The following WDR41 variants were observed in gnomAD, a reference collection of about 807,000 sequenced individuals.
WDR41 encodes the protein WD repeat-containing protein 41.
Under a neutral mutation model 69.3 loss-of-function variants are expected in WDR41, and 63 were observed. That is an observed-to-expected ratio of 0.91 (90% CI 0.74 to 1.12). The LOEUF (loss-of-function observed/expected upper bound fraction) is 1.12, where lower values mean the gene tolerates loss of function less well. WDR41 is among the 50% of genes most tolerant of loss of function. WDR41 has a pLI of 0.00. For synonymous variants in WDR41, 185 were observed against 192.1 expected (o/e 0.96, Z 0.31); for missense variants, 543 against 534.5 (o/e 1.02, Z -0.16).
rs371727227 is a variant in WDR41, at chr5:77,492,202, C to A, written c.19G>T (p.Gly7Trp). 1.2e-6 allele frequency: 2 copies of A among 1,612,570 alleles called. No homozygotes were observed. The highest frequency in any genetic ancestry group is 2.2e-5 in the South Asian group (2 of 90,700). Reference sequence around the variant, plus strand: ...AGTCCCTGCGGTTCTCGGCCTCCCCCGATCAGCCATCGCAACATCCGGGCA... The same window carrying A: ...AGTCCCTGCGGTTCTCGGCCTCCCCAGATCAGCCATCGCAACATCCGGGCA... Reference protein sequence around the residue: MLRWLIGGGREPQGLAE... With the variant: MLRWLIWGGREPQGLAE... Residue 7 changes from glycine (G) to tryptophan (W), a missense_variant, in exon 1 of 13, where the codon GGG becomes TGG. By Grantham distance (184) the Gly-to-Trp change is radical (BLOSUM62 -2). Transcript: ENST00000296679.
intron 1 of WDR41, among the ~76,000 whole-genome samples, chr5:77,595,731 G>C (rs1744215829): frequency 6.6e-6 from 1 of 152,172 alleles, no homozygotes; most frequent in Non-Finnish European, 1.5e-5. Context: ...ACCAGGGTGA[G>C]ACTGAAACTA....
At chr5:77,435,834 T>G (rs915382549) in intron 12 of WDR41, among the ~76,000 whole-genome samples, 1 of 152,206 alleles carries the variant, frequency 6.6e-6, no homozygotes, top group African/African-American at 2.4e-5. Flanking sequence ...TAACAAACTA[T>G]TATCCTTCAA....
intron 8 of WDR41, among the ~76,000 whole-genome samples, chr5:77,448,333 A>C (rs1366891700): frequency 6.6e-6 from 1 of 152,134 alleles, no homozygotes; most frequent in Non-Finnish European, 1.5e-5. Flanking sequence ...GCCCCCAGAG[A>C]AAATTAAAGG....
At chr5:77,488,631 G>T (rs528898792) in intron 2 of WDR41, among the ~76,000 whole-genome samples, 1 of 152,158 alleles carries the variant, frequency 6.6e-6, no homozygotes, top group African/African-American at 2.4e-5. Flanking sequence ...TGAGGTTGGG[G>T]GATTAGGACG....
rs765405820 is a variant in WDR41, at chr5:77,453,853, C to A, written c.487G>T (p.Asp163Tyr). 8.1e-6 allele frequency: 13 copies of A among 1,613,914 alleles called. No homozygotes were observed. The highest frequency in any genetic ancestry group is 8.5e-7 in the Non-Finnish European group (1 of 1,179,994). ...NDLCVWNRKL[D>Y]LLCKTSHLSD... ...AGGTGGCTAGTCTTACACAGGAGAT[C>A]TAATTTTCGGTTCCACACACACAGG... The change falls in exon 6 of 13, where the codon GAT becomes TAT. Residue 163 changes from aspartate (D) to tyrosine (Y), a missense_variant. Transcript: ENST00000296679.
At chr5:77,582,668 T>A (rs991301005) in intron 1 of WDR41, 72 of 1,601,130 alleles carry the variant, frequency 4.5e-5, no homozygotes, top group Non-Finnish European at 5.9e-5. Flanking sequence ...ATCAGAGGTA[T>A]CAGTGCTGTG....
chr5:77,611,647 T>C (rs1243708761), intron 1 of WDR41, among the ~76,000 whole-genome samples: 2 of 152,040 alleles, frequency 1.3e-5, no homozygotes, highest in African/African-American at 2.4e-5. Flanking sequence ...AAGCAGTGTG[T>C]AGAGGGAAAT....
At chr5:77,450,481 T>C (rs1435481207) in intron 7 of WDR41, among the ~76,000 whole-genome samples, 5 of 152,262 alleles carry the variant, frequency 3.3e-5, no homozygotes, top group Non-Finnish European at 5.9e-5. Flanking sequence ...AATACAGTTT[T>C]ATTTAAACTA....
intron 1 of WDR41, among the ~76,000 whole-genome samples, chr5:77,611,397 T>G (rs966646243): frequency 6.6e-6 from 1 of 152,208 alleles, no homozygotes; most frequent in African/African-American, 2.4e-5. Context: ...ATTGACCACA[T>G]AGTTGGAAGT....
chr5:77,461,104 A>G (rs561339387), intron 4 of WDR41, among the ~76,000 whole-genome samples: 1 of 152,310 alleles, frequency 6.6e-6, no homozygotes, highest in South Asian at 2.1e-4. Context: ...ATATTGCTAT[A>G]GTGTCTTAGG....
At position 77,575,284 on chromosome 5, in the gene WDR41, G is replaced by A. The variant is rs370844102; in HGVS notation, c.42+45195C>T. 4.6e-5 allele frequency among the ~76,000 whole-genome samples: 7 copies of A among 152,200 alleles called. No homozygotes were observed. The East Asian group carries it at 5.8e-4, about 13-fold the overall frequency. On this transcript the variant is annotated intron_variant, in intron 1 of 5. Transcript: ENST00000509971. ...ACACTAATACCAGAGTTGATATAGT[G>A]AGAAATAGGAAAGAACTTTGCAATG...
chr5:77,449,935 T>C lies in WDR41; in HGVS notation c.587-65A>G, dbSNP rs905190768. The C allele has an allele frequency of 3.7e-6, 4 of 1,085,882 alleles. No individual in the cohort carries two copies. The African/African-American group carries it at 6.4e-5, about 17-fold the overall frequency. 67.3% of individuals were successfully genotyped at this position (1,085,882 alleles called of 1,614,324 possible). Reference sequence around the variant, plus strand: ...TAAGAGGATAAAATACTACTCCTGCTCTAAAAACAAGCATTTCATTAAGTG... The same window carrying C: ...TAAGAGGATAAAATACTACTCCTGCCCTAAAAACAAGCATTTCATTAAGTG... On this transcript the variant is annotated intron_variant, in intron 7 of 12. Transcript: ENST00000296679.
chr5:77,526,009 T>C (rs1002306380), intron 1 of WDR41, among the ~76,000 whole-genome samples: 1 of 152,188 alleles, frequency 6.6e-6, no homozygotes, highest in Non-Finnish European at 1.5e-5. Context: ...TTATCCATCA[T>C]GAAAATATTT....
chr5:77,582,547 C>T, intron 1 of WDR41: 2 of 1,599,292 alleles, frequency 1.3e-6, no homozygotes, highest in Non-Finnish European at 1.7e-6. Context: ...AAAGCACTAT[C>T]ACAAGGAATA....
chr5:77,478,150 C>T (rs1801041385), intron 2 of WDR41, among the ~76,000 whole-genome samples: 1 of 152,212 alleles, frequency 6.6e-6, no homozygotes, highest in East Asian at 1.9e-4. Flanking sequence ...CTGAATAGAC[C>T]AATAACAGGA....
At chr5:77,609,434 G>A (rs1359917441) in intron 1 of WDR41, among the ~76,000 whole-genome samples, 4 of 152,234 alleles carry the variant, frequency 2.6e-5, no homozygotes, top group East Asian at 1.9e-4. Context: ...CACCTCACAC[G>A]GCCAGGTACT....
intron 2 of WDR41, among the ~76,000 whole-genome samples, chr5:77,469,262 G>C (rs1357435545): frequency 6.6e-6 from 1 of 152,128 alleles, no homozygotes; most frequent in Non-Finnish European, 1.5e-5. Flanking sequence ...GTAGGGGGGA[G>C]GGATAGCATT....
rs6880113 is a variant in WDR41 at position 77,458,379 on chromosome 5, T to C, written c.411+683A>G. 3.4e-3 allele frequency among the ~76,000 whole-genome samples: 518 copies of C among 152,250 alleles called. 4 individuals are homozygous for C. Among genetic ancestry groups the C allele is most frequent in the African/African-American group, 0.012 (487 of 41,568 alleles). On this transcript the variant is annotated intron_variant, in intron 5 of 12. Coordinates refer to ENST00000296679, the MANE Select transcript of WDR41 (RefSeq NM_018268.4). Reference sequence around the variant, plus strand: ...GAAAAAAAAGAAAAGAGCTCCAATATGGAGATCAGTTATCCTTAAAGTAAA... The same window carrying C: ...GAAAAAAAAGAAAAGAGCTCCAATACGGAGATCAGTTATCCTTAAAGTAAA...
chr5:77,542,936 G>A (rs1743119262), intron 1 of WDR41, among the ~76,000 whole-genome samples: 1 of 152,114 alleles, frequency 6.6e-6, no homozygotes, highest in African/African-American at 2.4e-5. Flanking sequence ...ATACTGTGCT[G>A]GTATCCATGG....
Sources: gnomAD v4.1 joint callset for allele counts (sites outside exome capture counted in the v4.1 genomes callset) on GRCh38, gnomAD v4.1.1 for gene constraint, MANE v1.5 for transcripts, NCBI Gene and HGNC (gene_info 2026-07-23, HGNC 2026-07-21) for gene names.